Variants in PRAMEF20 observed in about 807,000 individuals in gnomAD.
PRAMEF20 encodes the protein PRAME family member 20.
Under a neutral mutation model 32.4 loss-of-function variants are expected in PRAMEF20, and 27 were observed. That is an observed-to-expected ratio of 0.83 (90% confidence interval 0.61 to 1.15). The LOEUF (loss-of-function observed/expected upper bound fraction) is 1.15, where lower values mean the gene tolerates loss of function less well. PRAMEF20 is among the 50% of genes most tolerant of loss of function. PRAMEF20 has a pLI of 0.00. For synonymous variants in PRAMEF20, 256 were observed against 235.4 expected, an observed-to-expected ratio of 1.09 and a Z score of -0.80; for missense variants, 604 against 584.5, an observed-to-expected ratio of 1.03 and a Z score of -0.34.
chr1:13,420,688 T>C lies in PRAMEF20; in HGVS notation c.867-9T>C. ...TCCCCAGAACTAACTTCCTGCTCTC[T>C]CTCCCCAGCTGTCTAAAGACCTCGT... On this transcript the variant is annotated splice_polypyrimidine_tract_variant and intron_variant, in intron 2 of 2. Coordinates refer to ENST00000602960, the Ensembl canonical transcript of PRAMEF20. 6.2e-7 allele frequency: 1 copy of C among 1,613,816 alleles called. No homozygotes were observed. Among genetic ancestry groups the C allele is most frequent in the Non-Finnish European group, 8.5e-7 (1 of 1,179,826 alleles).
At chr1:13,415,005 G>A (rs970830018), upstream of PRAMEF20, among the ~76,000 whole-genome samples, 2 of 149,690 alleles carry the variant, frequency 1.3e-5, no homozygotes, top group Admixed American at 6.8e-5. Context: ...TCACCATATT[G>A]GTCAGGCTTG....
chr1:13,418,184 C>T, exon 2 of PRAMEF20: 1 of 1,613,670 alleles, frequency 6.2e-7, no homozygotes, highest in South Asian at 1.1e-5. Context: ...ATGGTTTGGT[C>T]TGAAGCCATG....
upstream of PRAMEF20, among the ~76,000 whole-genome samples, chr1:13,412,252 A>C (rs1182170133): frequency 1.3e-5 from 2 of 151,862 alleles, no homozygotes; most frequent in South Asian, 2.1e-4. Flanking sequence ...TCCTGACTTC[A>C]AGTGATCCAC....
At chr1:13,416,500 G>A (rs755277413) in exon 1 of PRAMEF20, 3 of 1,614,024 alleles carry the variant, frequency 1.9e-6, no homozygotes, top group South Asian at 1.1e-5. Flanking sequence ...AGGAGACACT[G>A]TGAGGCCCTG....
upstream of PRAMEF20, among the ~76,000 whole-genome samples, chr1:13,414,108 C>G (rs1641138380): frequency 6.6e-6 from 1 of 151,954 alleles, no homozygotes; most frequent in Non-Finnish European, 1.5e-5. Flanking sequence ...GTGGCATGAT[C>G]TCAGCTCACT....
At chr1:13,413,588 C>T (rs1641134188), upstream of PRAMEF20, among the ~76,000 whole-genome samples, 1 of 152,062 alleles carries the variant, frequency 6.6e-6, no homozygotes, top group Admixed American at 6.6e-5. Context: ...TGGTCTCAAA[C>T]TCCTGACCTC....
exon 3 of PRAMEF20, chr1:13,420,938 C>T: frequency 6.2e-7 from 1 of 1,613,760 alleles, no homozygotes; most frequent in Non-Finnish European, 8.5e-7. Context: ...CAACGCCATC[C>T]TGCCTGCCCT....
At chr1:13,417,256 G>GC (rs34298196) in intron 1 of PRAMEF20, among the ~76,000 whole-genome samples, 1 of 152,034 alleles carries the variant, frequency 6.6e-6, no homozygotes, top group African/African-American at 2.4e-5. Flanking sequence ...CTATCAGAGT[G>GC]CCTTTTTTTC....
intron 1 of PRAMEF20, 69 bp from the exon 3 acceptor site, chr1:13,418,053 C>T (rs1037690825): frequency 2.1e-5 from 33 of 1,607,030 alleles, no homozygotes; most frequent in African/African-American, 4.0e-5. Context: ...GGATTACAAG[C>T]GTGAGCCACT....
exon 1 of PRAMEF20, chr1:13,416,427 A>G (rs1347802231): frequency 1.2e-6 from 2 of 1,613,888 alleles, no homozygotes; most frequent in Admixed American, 1.7e-5. Context: ...GGCCTTGGCC[A>G]TCTCCACCCT....
upstream of PRAMEF20, among the ~76,000 whole-genome samples, chr1:13,414,826 G>C (rs943857908): frequency 2.6e-5 from 4 of 151,722 alleles, no homozygotes; most frequent in Non-Finnish European, 4.4e-5. Context: ...GAGAGACATA[G>C]TCTCACTCTG....
At chr1:13,416,346 T>C (rs1415825895), upstream of PRAMEF20, 66 of 1,612,252 alleles carry the variant, frequency 4.1e-5, 1 homozygote, top group Non-Finnish European at 1.1e-5. Context: ...TCTTTGCAGA[T>C]TCAGGAAGAT....
Position 13,418,653 on chromosome 1 carries a change from T to C in PRAMEF20, c.819T>C (p.Tyr273=), listed in dbSNP as rs936170489. 5 of 1,613,856 alleles carry C rather than the reference T, an allele frequency of 3.1e-6. No homozygotes were observed. The African/African-American group carries it at 5.3e-5, about 17-fold the overall frequency. ...AGCTGCGCTGCCTCCAAAAGCTTTA[T>C]ATGAACTCTGTTTCTTTCCTCGAAG... The change falls in exon 2 of 3, where the codon TAT becomes TAC. Residue 273 remains tyrosine, a synonymous_variant. Coordinates refer to ENST00000602960, the Ensembl canonical transcript of PRAMEF20.
At chr1:13,420,767 C>A in exon 3 of PRAMEF20, 1 of 1,613,966 alleles carries the variant, frequency 6.2e-7, no homozygotes, top group Non-Finnish European at 8.5e-7. Context: ...CTTGAAGCAT[C>A]TGTCCAAGTA....
intron 1 of PRAMEF20, 101 bp from the exon 3 acceptor site, chr1:13,418,021 G>A (rs987773404): frequency 3.4e-5 from 54 of 1,588,606 alleles, no homozygotes; most frequent in East Asian, 1.4e-4. Context: ...TGATCCGCCC[G>A]CCTTGGCCTC....
Position 13,418,127 on chromosome 1 carries a change from G to A in PRAMEF20, c.293G>A (p.Trp98Ter), listed in dbSNP as rs1293702656. Residue 98 changes from tryptophan to a stop codon, truncating the protein, a stop_gained, in exon 2 of 3, where the codon TGG becomes TAG. Coordinates refer to ENST00000602960, the Ensembl canonical transcript of PRAMEF20. LOFTEE classifies it high-confidence loss of function. The stretch of plus-strand genomic sequence containing the variant: ...TCTCTTCTATTTTTCCTCAGGAGGT[G>A]GAAACTTCAAGTGCTGGATTTACAG... The A allele has an allele frequency of 1.2e-6, 2 of 1,612,080 alleles. No individual in the cohort carries two copies. The highest frequency in any genetic ancestry group is 3.3e-5 in the Admixed American group (2 of 59,930).
chr1:13,416,621 T>C, exon 1 of PRAMEF20: 1 of 1,614,128 alleles, frequency 6.2e-7, no homozygotes, highest in Non-Finnish European at 8.5e-7. Flanking sequence ...ATGCACTGCT[T>C]ACCCACAGGG....
At chr1:13,420,012 C>T (rs947352182) in intron 2 of PRAMEF20, among the ~76,000 whole-genome samples, 5 of 152,096 alleles carry the variant, frequency 3.3e-5, no homozygotes, top group Admixed American at 6.6e-5. Context: ...GTGTCAGGGA[C>T]GCCTGCAGCC....
the PRAMEF20 span, chr1:13,410,560 T>G: frequency 6.6e-6 from 1 of 150,620 alleles, no homozygotes; most frequent in African/African-American, 2.4e-5. Context: ...GACACTCCCA[T>G]CTGACCTACA....
Sources: allele counts gnomAD v4.1 joint callset (sites outside exome capture counted in the v4.1 genomes callset), GRCh38; gene constraint gnomAD v4.1.1; transcripts MANE v1.5; gene names NCBI Gene and HGNC (gene_info 2026-07-23, HGNC 2026-07-21).